The following LINGO2 variants were observed in gnomAD, a reference collection of about 807,000 sequenced individuals.
LINGO2 encodes the protein leucine rich repeat and Ig domain containing 2.
In LINGO2, 14 loss-of-function variants were observed where a neutral mutation model predicts 30.6. The ratio of observed to expected loss-of-function variants is 0.46; its 90% confidence interval spans 0.30 to 0.72. LINGO2 has a LOEUF of 0.72. Ranked by LOEUF, LINGO2 falls within the 30% of genes least tolerant of loss-of-function variation. LINGO2 has a pLI of 0.07. For missense variants in LINGO2, 729 were observed against 751.7 expected (o/e 0.97, Z 0.35); for synonymous variants, 317 against 288.5 (o/e 1.10, Z -1.00).
chr9:28,880,909 A>G, the LINGO2 span, among the ~76,000 whole-genome samples: 10 of 152,182 alleles, frequency 6.6e-5, no homozygotes, highest in Non-Finnish European at 1.3e-4. Context: ...ACATCCAGCC[A>G]TAGTACCTTC....
the LINGO2 span, among the ~76,000 whole-genome samples, chr9:29,112,846 T>C: frequency 0.19 from 29,657 of 152,150 alleles, 2,996 homozygotes; most frequent in South Asian, 0.25. Flanking sequence ...TATTATTCAC[T>C]CTGTACTAGA....
chr9:28,677,747 A>G, the LINGO2 span, among the ~76,000 whole-genome samples: 1 of 152,166 alleles, frequency 6.6e-6, no homozygotes, highest in Non-Finnish European at 1.5e-5. Flanking sequence ...GAAAAAATCC[A>G]TTGTAATTTC....
the LINGO2 span, among the ~76,000 whole-genome samples, chr9:29,002,449 C>T: frequency 2.0e-5 from 3 of 152,206 alleles, no homozygotes; most frequent in South Asian, 6.2e-4. Flanking sequence ...TAGCAGAATG[C>T]TCTGTCCTGC....
At chr9:29,146,451 G>A in the LINGO2 span, among the ~76,000 whole-genome samples, 2 of 152,092 alleles carry the variant, frequency 1.3e-5, no homozygotes, top group South Asian at 2.1e-4. Flanking sequence ...TGCTGCTTTT[G>A]CCCACAATTA....
the LINGO2 span, among the ~76,000 whole-genome samples, chr9:28,797,613 G>A: frequency 5.3e-5 from 8 of 151,938 alleles, no homozygotes; most frequent in African/African-American, 1.9e-4. Context: ...AAAATGCTGT[G>A]AGAAGGCTAT....
chr9:28,632,416 A>G lies in LINGO2; in HGVS notation c.-365+37784T>C, dbSNP rs149383272. ...ACCTACCCAGTCTCACACTATCCAG[A>G]TGAGAGAAAGAACAAGAGGATATTC... On this transcript the variant is annotated intron_variant, in intron 1 of 5. Coordinates refer to ENST00000379992, the Ensembl canonical transcript of LINGO2. Among the ~76,000 whole-genome samples the G allele has an allele frequency of 2.6e-3, 396 of 151,896 alleles. 3 individuals carry two copies. Among genetic ancestry groups the G allele is most frequent in the African/African-American group, 9.1e-3 (378 of 41,440 alleles).
chr9:28,042,210 C>T (rs898679786), intron 4 of LINGO2, among the ~76,000 whole-genome samples: 1 of 152,148 alleles, frequency 6.6e-6, no homozygotes, highest in African/African-American at 2.4e-5. Context: ...CAATTTAAAA[C>T]TCTGGTTCAT....
chr9:29,150,742 T>C, the LINGO2 span, among the ~76,000 whole-genome samples: 2 of 152,098 alleles, frequency 1.3e-5, no homozygotes, highest in African/African-American at 4.8e-5. Context: ...CTCTGAGAAA[T>C]ACGGGATTTC....
At chr9:28,380,845 G>A (rs1331423061) in intron 2 of LINGO2, among the ~76,000 whole-genome samples, 1 of 152,072 alleles carries the variant, frequency 6.6e-6, no homozygotes, top group Non-Finnish European at 1.5e-5. Flanking sequence ...TGGGAAGAGA[G>A]AAGCAGACAT....
At chr9:28,177,852 GT>G (rs1828791068) in intron 4 of LINGO2, among the ~76,000 whole-genome samples, 1 of 152,032 alleles carries the variant, frequency 6.6e-6, no homozygotes, top group Non-Finnish European at 1.5e-5. Context: ...TGATTTAGAG[GT>G]CTAATTCATG....
chr9:28,677,799 T>C, the LINGO2 span, among the ~76,000 whole-genome samples: 1 of 152,076 alleles, frequency 6.6e-6, no homozygotes, highest in African/African-American at 2.4e-5. Context: ...TGACAGAAAA[T>C]ATCATAATTC....
the LINGO2 span, among the ~76,000 whole-genome samples, chr9:28,730,915 G>A: frequency 1.3e-5 from 2 of 152,120 alleles, no homozygotes; most frequent in Non-Finnish European, 2.9e-5. Flanking sequence ...TGGTACAACA[G>A]CTCTGGAAAG....
At chr9:28,368,471 GAGATGTATTAAGGGTCTC>G (rs1279483016) in intron 3 of LINGO2, among the ~76,000 whole-genome samples, 1 of 152,056 alleles carries the variant, frequency 6.6e-6, no homozygotes, top group African/African-American at 2.4e-5. Context: ...CGAAGTTAGA[GAGATGTATTAAGGGTCTC>G]ATTTTTTCAT....
intron 5 of LINGO2, among the ~76,000 whole-genome samples, chr9:27,972,146 A>C (rs997809438): frequency 2.6e-5 from 4 of 152,208 alleles, no homozygotes; most frequent in African/African-American, 9.7e-5. Context: ...TACTTAGGTA[A>C]AAGAAAGAGG....
At chr9:28,940,182 G>A in the LINGO2 span, among the ~76,000 whole-genome samples, 1 of 152,124 alleles carries the variant, frequency 6.6e-6, no homozygotes, top group African/African-American at 2.4e-5. Context: ...CCAAGCCGAT[G>A]TCTTCTCCTC....
At chr9:29,041,600 A>G in the LINGO2 span, among the ~76,000 whole-genome samples, 1 of 152,008 alleles carries the variant, frequency 6.6e-6, no homozygotes, top group Non-Finnish European at 1.5e-5. Context: ...ATGGACAACC[A>G]TAATTAAGAA....
the LINGO2 span, among the ~76,000 whole-genome samples, chr9:29,155,987 G>T: frequency 2.0e-5 from 3 of 152,048 alleles, no homozygotes; most frequent in African/African-American, 7.2e-5. Flanking sequence ...TAGGGATCTG[G>T]AAGCTTTCTT....
intron 1 of LINGO2, among the ~76,000 whole-genome samples, chr9:28,664,515 T>G (rs1828714304): frequency 6.6e-6 from 1 of 152,028 alleles, no homozygotes. Context: ...CTTGGTCAAT[T>G]TAACATTTTG....
chr9:28,353,976 G>A (rs1184296687), intron 3 of LINGO2, among the ~76,000 whole-genome samples: 2 of 152,116 alleles, frequency 1.3e-5, no homozygotes. Context: ...ACACAGGAAG[G>A]GGAATATCAC....
Sources: gnomAD v4.1 joint callset for allele counts (sites outside exome capture counted in the v4.1 genomes callset) on GRCh38, gnomAD v4.1.1 for gene constraint, MANE v1.5 for transcripts, NCBI Gene and HGNC (gene_info 2026-07-23, HGNC 2026-07-21) for gene names.